The following SULT1B1 variants were observed in gnomAD, a reference collection of about 807,000 sequenced individuals.
The protein encoded by SULT1B1 is sulfotransferase family 1B member 1.
SULT1B1 carries 28 observed loss-of-function variants against 34.6 expected under a neutral mutation model. That is an observed-to-expected ratio of 0.81 (90% CI 0.60 to 1.11). The LOEUF (loss-of-function observed/expected upper bound fraction) is 1.11, where lower values mean the gene tolerates loss of function less well. SULT1B1 is among the 50% of genes least tolerant of loss of function. The probability of loss-of-function intolerance (pLI) is 0.00; values close to 1 mark genes in which losing one functional copy is unlikely to be tolerated. For synonymous variants in SULT1B1, 147 were observed against 110.2 expected (o/e 1.33, Z -2.09); for missense variants, 374 against 352.2 (o/e 1.06, Z -0.50).
At chr4:69,757,833 A>G (rs1043445780) in intron 1 of SULT1B1, among the ~76,000 whole-genome samples, 3 of 152,146 alleles carry the variant, frequency 2.0e-5, no homozygotes, top group Admixed American at 1.3e-4. Flanking sequence ...TTGCATTTTC[A>G]TACTGTTTAT....
chr4:69,754,039 C>A (rs997070675), intron 3 of SULT1B1, among the ~76,000 whole-genome samples: 1 of 152,172 alleles, frequency 6.6e-6, no homozygotes, highest in Non-Finnish European at 1.5e-5. Flanking sequence ...CTCAATTAAA[C>A]TCATTTAATT....
At chr4:69,748,405 G>A (rs1221112637) in intron 4 of SULT1B1, among the ~76,000 whole-genome samples, 1 of 152,146 alleles carries the variant, frequency 6.6e-6, no homozygotes, top group African/African-American at 2.4e-5. Flanking sequence ...AGTAAGAATA[G>A]ACACATCATT....
intron 7 of SULT1B1, 64 bp downstream of exon 7, chr4:69,730,437 T>C (rs1718027470): frequency 1.4e-6 from 2 of 1,455,092 alleles, no homozygotes; most frequent in Non-Finnish European, 1.9e-6. Flanking sequence ...ACAGAACTAA[T>C]CCTTAGCTCA....
chr4:69,754,681 A>C lies in SULT1B1; in HGVS notation c.266T>G (p.Leu89Ter), dbSNP rs753982822. 1.2e-5 allele frequency: 19 copies of C among 1,612,556 alleles called. No individual in the cohort carries two copies. The East Asian group carries it at 3.6e-4, about 30-fold the overall frequency. Reference sequence around the variant, plus strand: ...TGGGTTAAATTTACCTGATGTTCTTAATCCAGGGAGAGTCATTTCCAACAT... The same window carrying C: ...TGGGTTAAATTTACCTGATGTTCTTCATCCAGGGAGAGTCATTTCCAACAT... ...VPMLEMTLPG[L>*]RTSGIEQLEK... Residue 89 changes from leucine (L) to a stop codon, truncating the protein, a stop_gained, in exon 3 of 8, where the codon TTA becomes TGA. Transcript: ENST00000310613. LOFTEE classifies it high-confidence loss of function.
intron 4 of SULT1B1, among the ~76,000 whole-genome samples, chr4:69,741,275 T>C (rs1326703624): frequency 1.3e-5 from 2 of 152,230 alleles, no homozygotes; most frequent in Non-Finnish European, 2.9e-5. Context: ...TACCATGCTG[T>C]GTTGGTTACT....
Position 69,726,496 on chromosome 4 carries a change from T to G in SULT1B1, c.*592A>C, listed in dbSNP as rs1717840538. The G allele has an allele frequency of 6.6e-6, 1 of 151,912 alleles. No homozygotes were observed. The highest frequency in any genetic ancestry group is 1.5e-5 in the Non-Finnish European group (1 of 67,952). The allele number at this position is 151,912 out of a possible 1,614,324, so 9.4% of individuals were successfully genotyped here. A position where few individuals can be genotyped will look rare whatever the true frequency, so the allele number is the denominator to read the frequency against. The stretch of plus-strand genomic sequence containing the variant: ...TTGTAGGCGTTTGCCTTTCGGAGAC[T>G]TAGACATTAGGTATGATATAGAAAA... On this transcript the variant is annotated 3_prime_UTR_variant, in exon 8 of 8. Coordinates refer to ENST00000310613, the MANE Select transcript of SULT1B1 (RefSeq NM_014465.4).
chr4:69,758,484 A>G, intron 1 of SULT1B1: 2 of 984,888 alleles, frequency 2.0e-6, no homozygotes, highest in Non-Finnish European at 2.4e-6. Flanking sequence ...TTTCTTCCCA[A>G]ATTATCTAAA....
intron 4 of SULT1B1, among the ~76,000 whole-genome samples, chr4:69,746,388 G>A (rs781756143): frequency 1.3e-5 from 2 of 152,084 alleles, no homozygotes; most frequent in Admixed American, 1.3e-4. Flanking sequence ...TTTCTTGGAG[G>A]TTTTGTTCAT....
chr4:69,735,352 G>T (rs929604170), intron 4 of SULT1B1, among the ~76,000 whole-genome samples: 1 of 152,186 alleles, frequency 6.6e-6, no homozygotes. Context: ...GCTCTCCCTG[G>T]TCAAAGGATT....
At chr4:69,755,448 G>A (rs1719153234) in intron 1 of SULT1B1, among the ~76,000 whole-genome samples, 187 bp from the exon 2 acceptor site, 1 of 152,154 alleles carries the variant, frequency 6.6e-6, no homozygotes, top group South Asian at 2.1e-4. Flanking sequence ...TCTGTGACAA[G>A]CAGGACAAAG....
chr4:69,730,822 T>C, intron 6 of SULT1B1, 141 bp from the exon 7 acceptor site: 3 of 690,464 alleles, frequency 4.3e-6, no homozygotes, highest in Admixed American at 6.1e-5. Context: ...TTCTCAATTT[T>C]TAAATAAACT....
intron 7 of SULT1B1, among the ~76,000 whole-genome samples, chr4:69,729,349 G>C (rs898711171): frequency 6.6e-6 from 1 of 151,908 alleles, no homozygotes; most frequent in African/African-American, 2.4e-5. Context: ...TTTCATATAG[G>C]CAGGTTCTAG....
At chr4:69,747,724 G>C (rs1718806655) in intron 4 of SULT1B1, among the ~76,000 whole-genome samples, 1 of 152,078 alleles carries the variant, frequency 6.6e-6, no homozygotes, top group South Asian at 2.1e-4. Flanking sequence ...AATGTCTCTG[G>C]GCATCAAGGA....
At chr4:69,758,392 C>G in intron 1 of SULT1B1, 1 of 985,208 alleles carries the variant, frequency 1.0e-6, no homozygotes, top group South Asian at 4.7e-5. Context: ...ATAGTACATT[C>G]AGATGTTAGA....
chr4:69,738,515 A>G (rs1015060689), intron 4 of SULT1B1, among the ~76,000 whole-genome samples: 1 of 152,156 alleles, frequency 6.6e-6, no homozygotes, highest in African/African-American at 2.4e-5. Context: ...CTCACTCACT[A>G]TCATGAGAAC....
chr4:69,752,174 TA>T (rs1437011215), intron 3 of SULT1B1, among the ~76,000 whole-genome samples: 2 of 152,240 alleles, frequency 1.3e-5, no homozygotes, highest in African/African-American at 4.8e-5. Context: ...TAATGCTAAG[TA>T]AAAAATGTTG....
In SULT1B1 at chr4:69,734,272, G is replaced by C; in HGVS notation, c.376-8C>G. ...ACGAGCCAGATAAATCATCTGCAGT[G>C]GGGGGTGGGGGTAGGAGAAAAAAAT... On this transcript the variant is annotated splice_polypyrimidine_tract_variant and splice_region_variant and intron_variant, in intron 4 of 7. Transcript: ENST00000310613. 1 of 1,606,000 alleles carries C rather than the reference G, an allele frequency of 6.2e-7. No individual in the cohort carries two copies. Among genetic ancestry groups the C allele is most frequent in the African/African-American group, 1.3e-5 (1 of 74,576 alleles).
intron 4 of SULT1B1, among the ~76,000 whole-genome samples, chr4:69,734,826 C>A (rs190043318): frequency 8.6e-6 from 1 of 116,362 alleles, no homozygotes; most frequent in Non-Finnish European, 1.8e-5. Flanking sequence ...TACTTCGCTA[C>A]TCTTTTTTTT....
At chr4:69,744,464 C>T (rs77390377) in intron 4 of SULT1B1, among the ~76,000 whole-genome samples, 6,534 of 152,248 alleles carry the variant, frequency 0.043, 200 homozygotes, top group East Asian at 0.07. Flanking sequence ...TGCAGCCGCT[C>T]CTGCCACCAC....
Sources: allele counts gnomAD v4.1 joint callset (sites outside exome capture counted in the v4.1 genomes callset), GRCh38; gene constraint gnomAD v4.1.1; transcripts MANE v1.5; gene names NCBI Gene and HGNC (gene_info 2026-07-23, HGNC 2026-07-21).